TRIM32: variants seen among roughly 807,000 people sequenced by gnomAD.
TRIM32 encodes E3 ubiquitin-protein ligase TRIM32.
In TRIM32, 19 loss-of-function variants were observed where a neutral mutation model predicts 36.0. The observed-to-expected ratio is 0.53, with a 90% CI of 0.37 to 0.77. The LOEUF (loss-of-function observed/expected upper bound fraction) is 0.77, where lower values mean the gene tolerates loss of function less well. Among genes scored for constraint, TRIM32 ranks in the 30% least tolerant of loss-of-function variants. The pLI is 0.00. For synonymous variants in TRIM32, 309 were observed against 318.5 expected, an observed-to-expected ratio of 0.97 and a Z score of 0.32; for missense variants, 747 against 845.2, an observed-to-expected ratio of 0.88 and a Z score of 1.44.
chr9:116,687,534 T>C (rs1047578564), intron 1 of TRIM32, among the ~76,000 whole-genome samples, 153 bp downstream of exon 1: 1 of 8,258 alleles, frequency 1.2e-4, no homozygotes. Flanking sequence ...AGGACTAGGG[T>C]GGGGGTGGGG....
At position 116,698,375 on chromosome 9, in the gene TRIM32, T is replaced by C. The variant is rs753960738; in HGVS notation, c.633T>C (p.Ala211=). 7.4e-6 allele frequency: 12 copies of C among 1,613,972 alleles called. No individual in the cohort carries two copies. Among genetic ancestry groups the C allele is most frequent in the South Asian group, 2.2e-5 (2 of 91,078 alleles). ...GGAAGTTCTTCACAGGCTCTTTGGC[T>C]GAAGTTGAGAAGTCCAATAGTCAAG... is the stretch of plus-strand genomic sequence containing the variant. ...RSRKFFTGSL[A]EVEKSNSQVV... is the part of the protein sequence containing the mutation. The change falls in exon 2 of 2, where the codon GCT becomes GCC. Residue 211 remains alanine, a synonymous_variant. Coordinates refer to ENST00000450136, the MANE Select transcript of TRIM32 (RefSeq NM_012210.4). The surrounding 1 kb of genome is among the most constrained non-coding windows in gnomAD (Gnocchi z 4.4).
rs753519978 is a variant in TRIM32, at chr9:116,698,176, G to A, written c.434G>A (p.Arg145Gln). Reference sequence around the variant, plus strand: ...CCTGTCAAAGAAGCAGCTGAGGAGCGGCGTCGGGACTTTGGAGAGAAGTTA... The same window carrying A: ...CCTGTCAAAGAAGCAGCTGAGGAGCAGCGTCGGGACTTTGGAGAGAAGTTA... ...TLPVKEAAEE[R>Q]RRDFGEKLTR... The change falls in exon 2 of 2, where the codon CGG (arginine) becomes CAG (glutamine). Residue 145 changes from arginine to glutamine, a missense_variant. Physicochemically the swap from Arg to Gln is conservative, Grantham distance 43. Transcript: ENST00000450136. This position sits in a 1 kb window ranked among gnomAD's most constrained non-coding sequence, Gnocchi z 4.4. The A allele has an allele frequency of 3.0e-5, 49 of 1,614,048 alleles. No individual in the cohort carries two copies. The highest frequency in any genetic ancestry group is 3.6e-5 in the Non-Finnish European group (42 of 1,180,056).
chr9:116,694,875 G>A lies in TRIM32; in HGVS notation c.-81-2787G>A, dbSNP rs115660886. Among the ~76,000 whole-genome samples the A allele has an allele frequency of 8.2e-3, 1,250 of 152,024 alleles. 20 individuals carry two copies. Among genetic ancestry groups the A allele is most frequent in the African/African-American group, 0.029 (1,188 of 41,456 alleles). On this transcript the variant is annotated intron_variant, in intron 1 of 1. Coordinates refer to ENST00000450136, the MANE Select transcript of TRIM32 (RefSeq NM_012210.4). Reference sequence around the variant, plus strand: ...CAGATATCCACATCAGACCTCATACGCTCATGATATATGGTAAATATTATT... The same window carrying A: ...CAGATATCCACATCAGACCTCATACACTCATGATATATGGTAAATATTATT...
At position 116,697,815 on chromosome 9, in the gene TRIM32, G is replaced by T; in HGVS notation, c.73G>T (p.Glu25Ter). ...REVLECPICM[E>*]SFTEEQLRPK... Reference sequence around the variant, plus strand: ...AGTGCTAGAATGCCCCATCTGCATGGAGTCCTTCACAGAAGAGCAGCTGCG... The same window carrying T: ...AGTGCTAGAATGCCCCATCTGCATGTAGTCCTTCACAGAAGAGCAGCTGCG... Residue 25 changes from glutamate to a stop codon, truncating the protein, a stop_gained, in exon 2 of 2, where the codon GAG becomes TAG. Transcript: ENST00000450136. LOFTEE classifies it high-confidence loss of function. 1 of 1,614,154 alleles carries T rather than the reference G, an allele frequency of 6.2e-7. No individual in the cohort carries two copies.
At chr9:116,695,107 T>C (rs1446182179) in intron 1 of TRIM32, among the ~76,000 whole-genome samples, 1 of 152,180 alleles carries the variant, frequency 6.6e-6, no homozygotes, top group East Asian at 1.9e-4. Context: ...TAATCATTGT[T>C]ATGTGACAGT....
At chr9:116,696,222 C>G (rs1166319973) in intron 1 of TRIM32, among the ~76,000 whole-genome samples, 1 of 152,090 alleles carries the variant, frequency 6.6e-6, no homozygotes, top group Non-Finnish European at 1.5e-5. Context: ...TTTACCTTTC[C>G]AAGTCTGTTA....
In TRIM32 at chr9:116,698,540, T is replaced by G. The variant is rs1588216749; in HGVS notation, c.798T>G (p.Thr266=). The G allele has an allele frequency of 6.2e-7, 1 of 1,613,926 alleles. No homozygotes were observed. The highest frequency in any genetic ancestry group is 8.5e-7 in the Non-Finnish European group (1 of 1,180,014). Residue 266 remains threonine (T), a synonymous_variant, in exon 2 of 2, where the codon ACT becomes ACG. Transcript: ENST00000450136. This position sits in a 1 kb window ranked among gnomAD's most constrained non-coding sequence, Gnocchi z 4.4. ...ETADEEEPEL[T]ASLPRELTLQ... The stretch of plus-strand genomic sequence containing the variant: ...CTGATGAGGAGGAGCCAGAGCTCAC[T>G]GCCAGCTTGCCTCGGGAGCTCACCC...
In TRIM32 at chr9:116,699,692, T is replaced by G; in HGVS notation, c.1950T>G (p.Tyr650Ter). The G allele has an allele frequency of 6.2e-7, 1 of 1,614,200 alleles. No individual in the cohort carries two copies. The highest frequency in any genetic ancestry group is 8.5e-7 in the Non-Finnish European group (1 of 1,180,038). ...TCTACAGCTACCATCTGAGAAGATATTCCACCCCATAGGGGATGAGAAATT... is the reference window on the plus strand; with the variant it reads ...TCTACAGCTACCATCTGAGAAGATAGTCCACCCCATAGGGGATGAGAAATT... ...IKIYSYHLRR[Y>*]STP Residue 650 changes from tyrosine (Y) to a stop codon, truncating the protein, a stop_gained, in exon 2 of 2, where the codon TAT (tyrosine) becomes TAG (stop). Coordinates refer to ENST00000450136, the MANE Select transcript of TRIM32 (RefSeq NM_012210.4). LOFTEE classifies it high-confidence loss of function. The surrounding 1 kb of genome is among the most constrained non-coding windows in gnomAD (Gnocchi z 4.2).
chr9:116,689,264 A>G (rs1860442441), intron 1 of TRIM32, among the ~76,000 whole-genome samples: 1 of 152,150 alleles, frequency 6.6e-6, no homozygotes, highest in Admixed American at 6.6e-5. Context: ...GTGGCCTTGA[A>G]TGAGTTACTT....
rs886063381 is a variant in TRIM32, at chr9:116,699,987, G to T, written c.*283G>T. ...ATTAGGCACTTCCAAGGCTTTAGTAGAGAGAGCCACTTTAGCCCTTTGTGC... is the reference window on the plus strand; with the variant it reads ...ATTAGGCACTTCCAAGGCTTTAGTATAGAGAGCCACTTTAGCCCTTTGTGC... On this transcript the variant is annotated 3_prime_UTR_variant, in exon 2 of 2. Transcript: ENST00000450136. This position sits in a 1 kb window ranked among gnomAD's most constrained non-coding sequence, Gnocchi z 4.2. The T allele has an allele frequency of 7.7e-6, 4 of 518,922 alleles. No individual in the cohort carries two copies. The highest frequency in any genetic ancestry group is 3.5e-6 in the Non-Finnish European group (1 of 282,998). 32.1% of individuals were successfully genotyped at this position (518,922 alleles called of 1,614,324 possible). A position where few individuals can be genotyped will look rare whatever the true frequency, so the allele number is the denominator to read the frequency against.
Position 116,698,037 on chromosome 9 carries a change from A to C in TRIM32, c.295A>C (p.Met99Leu), listed in dbSNP as rs1860963068. The C allele has an allele frequency of 1.9e-6, 3 of 1,614,016 alleles. No homozygotes were observed. Among genetic ancestry groups the C allele is most frequent in the African/African-American group, 1.3e-5 (1 of 75,056 alleles). Residue 99 changes from methionine to leucine, a missense_variant, in exon 2 of 2, where the codon ATG (methionine) becomes CTG (leucine). Transcript: ENST00000450136. This position sits in a 1 kb window ranked among gnomAD's most constrained non-coding sequence, Gnocchi z 4.4. ...AGLSEAVGLL[M>L]CRSCGRRLPR... The stretch of plus-strand genomic sequence containing the variant: ...GCTCAGCGAGGCTGTGGGGCTGCTC[A>C]TGTGTCGGTCCTGTGGGCGGCGTCT...
chr9:116,699,756 T>C lies in TRIM32; in HGVS notation c.*52T>C, dbSNP rs955524991. 5.0e-6 allele frequency: 8 copies of C among 1,613,156 alleles called. No individual in the cohort carries two copies. The South Asian group carries it at 8.8e-5, about 18-fold the overall frequency. Reference sequence around the variant, plus strand: ...GCTCCCAAGCCAACTTCCCTTCCCTTAGTTCTTGGTTGTTAGTGGCACATG... The same window carrying C: ...GCTCCCAAGCCAACTTCCCTTCCCTCAGTTCTTGGTTGTTAGTGGCACATG... On this transcript the variant is annotated 3_prime_UTR_variant, in exon 2 of 2. Coordinates refer to ENST00000450136, the MANE Select transcript of TRIM32 (RefSeq NM_012210.4). The surrounding 1 kb of genome is among the most constrained non-coding windows in gnomAD (Gnocchi z 4.2).
In TRIM32 at chr9:116,698,556, G is replaced by A. The variant is rs1189524532; in HGVS notation, c.814G>A (p.Glu272Lys). 1 of 1,613,920 alleles carries A rather than the reference G, an allele frequency of 6.2e-7. No homozygotes were observed. Among genetic ancestry groups the A allele is most frequent in the South Asian group, 1.1e-5 (1 of 91,060 alleles). ...EPELTASLPR[E>K]LTLQDVELLK... ...AGAGCTCACTGCCAGCTTGCCTCGG[G>A]AGCTCACCCTGCAAGATGTGGAGCT... Residue 272 changes from glutamate to lysine, a missense_variant, in exon 2 of 2, where the codon GAG becomes AAG. Coordinates refer to ENST00000450136, the MANE Select transcript of TRIM32 (RefSeq NM_012210.4). The surrounding 1 kb of genome is among the most constrained non-coding windows in gnomAD (Gnocchi z 4.4).
At chr9:116,697,494 T>G in intron 1 of TRIM32, 168 bp from the exon 2 acceptor site, 1 of 508,758 alleles carries the variant, frequency 2.0e-6, no homozygotes, top group South Asian at 2.2e-5. Context: ...TTGTCTGGTT[T>G]GTTTCCCTAT....
In TRIM32 at chr9:116,699,948, A is replaced by G. The variant is rs1239551624; in HGVS notation, c.*244A>G. ...ATAGGACACACGATGGTGTTAGCTG[A>G]AGTTTGATTAGCAATTAGGCACTTC... On this transcript the variant is annotated 3_prime_UTR_variant, in exon 2 of 2. Transcript: ENST00000450136. This position sits in a 1 kb window ranked among gnomAD's most constrained non-coding sequence, Gnocchi z 4.2. 4 of 603,054 alleles carry G rather than the reference A, an allele frequency of 6.6e-6. No individual in the cohort carries two copies. Among genetic ancestry groups the G allele is most frequent in the Non-Finnish European group, 1.2e-5 (4 of 338,582 alleles). The allele number at this position is 603,054 out of a possible 1,614,324, so 37.4% of individuals were successfully genotyped here.
At position 116,698,433 on chromosome 9, in the gene TRIM32, G is replaced by A. The variant is rs1860994130; in HGVS notation, c.691G>A (p.Ala231Thr). 6.2e-6 allele frequency: 10 copies of A among 1,613,902 alleles called. No homozygotes were observed. Among genetic ancestry groups the A allele is most frequent in the African/African-American group, 1.3e-5 (1 of 74,906 alleles). The change falls in exon 2 of 2, where the codon GCA becomes ACA. Residue 231 changes from alanine (A) to threonine (T), a missense_variant. By Grantham distance (58) the Ala-to-Thr change is moderately conservative (BLOSUM62 0). Coordinates refer to ENST00000450136, the MANE Select transcript of TRIM32 (RefSeq NM_012210.4). This position sits in a 1 kb window ranked among gnomAD's most constrained non-coding sequence, Gnocchi z 4.4. ...GGAGCAGAGTTACCTGCTTAACATT[G>A]CAGAGGTGCAGGCTGTGTCTCGCTG... ...VEEQSYLLNI[A>T]EVQAVSRCDY...
At position 116,701,182 on chromosome 9, in the gene TRIM32, C is replaced by T. The variant is rs1415368939; in HGVS notation, c.*1478C>T. 1 of 167,012 alleles carries T rather than the reference C, an allele frequency of 6.0e-6. No individual in the cohort carries two copies. Among genetic ancestry groups the T allele is most frequent in the Admixed American group, 6.5e-5 (1 of 15,272 alleles). The allele number at this position is 167,012 out of a possible 1,614,324, so 10.3% of individuals were successfully genotyped here. ...AGCAACTGCCTTACTTTGATGTAAA[C>T]AAAATTTGCTAAACTGAGCTGCTCA... On this transcript the variant is annotated 3_prime_UTR_variant, in exon 2 of 2. Coordinates refer to ENST00000450136, the MANE Select transcript of TRIM32 (RefSeq NM_012210.4).
chr9:116,693,021 T>C (rs1009258337), intron 1 of TRIM32, among the ~76,000 whole-genome samples: 14 of 152,186 alleles, frequency 9.2e-5, no homozygotes, highest in Non-Finnish European at 2.1e-4. Flanking sequence ...CCAGCCCTTT[T>C]ATTAATCTTT....
At chr9:116,689,877 G>GA (rs1283858386) in intron 1 of TRIM32, among the ~76,000 whole-genome samples, 3 of 152,188 alleles carry the variant, frequency 2.0e-5, no homozygotes, top group South Asian at 2.1e-4. Context: ...CCATTGGCTT[G>GA]AAAAAACACC....
Sources: gnomAD v4.1 joint callset for allele counts (sites outside exome capture counted in the v4.1 genomes callset) on GRCh38, gnomAD v4.1.1 for gene constraint, Gnocchi (gnomAD v3.1) non-coding constraint, MANE v1.5 for transcripts, NCBI Gene and HGNC (gene_info 2026-07-23, HGNC 2026-07-21) for gene names.